Variants in POP1 observed in about 807,000 individuals in gnomAD.
POP1 encodes ribonucleases P/MRP protein subunit POP1.
In POP1, 75 loss-of-function variants were observed where a neutral mutation model predicts 102.2. The ratio of observed to expected loss-of-function variants is 0.73; its 90% CI spans 0.61 to 0.89. POP1 has a LOEUF of 0.89. POP1 is among the 40% of genes least tolerant of loss of function. POP1 has a pLI of 0.00. For synonymous variants in POP1, 436 were observed against 464.1 expected (o/e 0.94, Z 0.78); for missense variants, 1,116 against 1,267.4 (o/e 0.88, Z 1.81).
rs1406704778 is a variant in POP1 at position 98,157,789 on chromosome 8, A to AG, written c.2594dup (p.Ser865ArgfsTer24). 2.5e-6 allele frequency: 4 copies of AG among 1,614,100 alleles called. No homozygotes were observed. Among genetic ancestry groups the AG allele is most frequent in the Non-Finnish European group, 3.4e-6 (4 of 1,180,042 alleles). ...GGTTTGGGTCAGCCTGTCCCTGCTC[A>AG]GCAAGGGCAGCCCCGAGCCTCACAC... On this transcript the variant is annotated frameshift_variant, in exon 16 of 16. Transcript: ENST00000401707. LOFTEE classifies it low-confidence loss of function (END_TRUNC).
At chr8:98,134,715 TG>T in intron 7 of POP1, 56 bp downstream of exon 7, 1 of 1,489,516 alleles carries the variant, frequency 6.7e-7, no homozygotes, top group African/African-American at 1.4e-5. Flanking sequence ...TAATTACTGC[TG>T]GAAGTCAATA....
intron 11 of POP1, among the ~76,000 whole-genome samples, chr8:98,143,604 T>C (rs1479801984): frequency 1.3e-5 from 2 of 152,196 alleles, no homozygotes; most frequent in Non-Finnish European, 2.9e-5. Context: ...CTCTTGGTGG[T>C]ATATATACTC....
chr8:98,156,179 A>T lies in POP1; in HGVS notation c.2187A>T (p.Ser729=), dbSNP rs760035351. ...VQAYEEPSVA[S]SPNGKESDLR... ...CTTACGAAGAACCTTCTGTAGCTTC[A>T]TCTCCAAATGGTAAGGAGAGTGACC... Residue 729 remains serine, a synonymous_variant, in exon 15 of 16, where the codon TCA becomes TCT. Transcript: ENST00000401707. The T allele has an allele frequency of 6.2e-7, 1 of 1,614,084 alleles. No homozygotes were observed. Among genetic ancestry groups the T allele is most frequent in the Non-Finnish European group, 8.5e-7 (1 of 1,180,022 alleles).
At chr8:98,121,272 T>A (rs182574237) in intron 1 of POP1, among the ~76,000 whole-genome samples, 65 of 152,316 alleles carry the variant, frequency 4.3e-4, no homozygotes, top group African/African-American at 1.5e-3. Context: ...TTGTGTGAGG[T>A]CTTGCATTGG....
intron 12 of POP1, 141 bp from the exon 13 acceptor site, chr8:98,148,674 C>A: frequency 1.3e-6 from 1 of 774,974 alleles, no homozygotes; most frequent in South Asian, 1.6e-5. Flanking sequence ...CTTAAAATGG[C>A]TCACATTTAT....
intron 9 of POP1, among the ~76,000 whole-genome samples, chr8:98,138,316 C>T (rs1393368086): frequency 2.7e-5 from 2 of 74,018 alleles, no homozygotes; most frequent in African/African-American, 6.9e-5. Context: ...CTCATTTCTC[C>T]TCACCCTTCT....
At chr8:98,146,131 A>G (rs1472878197) in intron 11 of POP1, among the ~76,000 whole-genome samples, 1 of 152,038 alleles carries the variant, frequency 6.6e-6, no homozygotes, top group Admixed American at 6.6e-5. Flanking sequence ...GGGTCTTGCT[A>G]TGTTGCCCAG....
In POP1 at chr8:98,157,441, G is replaced by C. The variant is rs142696353; in HGVS notation, c.2421-176G>C. 3.4e-3 allele frequency among the ~76,000 whole-genome samples: 510 copies of C among 152,132 alleles called. 5 individuals carry two copies. The highest frequency in any genetic ancestry group is 0.012 in the African/African-American group (490 of 41,510). The stretch of plus-strand genomic sequence containing the variant: ...TTTCAGAATGGCAAACACATAAAAA[G>C]AAAAATATAAGTACTAAAATGTACT... On this transcript the variant is annotated intron_variant, in intron 15 of 15. Transcript: ENST00000401707.
Position 98,158,156 on chromosome 8 carries a change from T to G in POP1, c.2960T>G (p.Leu987Trp). The change falls in exon 16 of 16, where the codon TTG becomes TGG. Residue 987 changes from leucine (L) to tryptophan (W), a missense_variant. By Grantham distance (61) the Leu-to-Trp change is moderately conservative (BLOSUM62 -2). Transcript: ENST00000401707. ...GGAGAAGCCCTGGGGTTTGTTAGCT[T>G]GACAGGCTTGCTGGATATGCTGTCC... The part of the protein sequence containing the change: ...GCGEALGFVS[L>W]TGLLDMLSSQ... The G allele has an allele frequency of 1.9e-6, 3 of 1,609,406 alleles. No individual in the cohort carries two copies. The highest frequency in any genetic ancestry group is 2.5e-6 in the Non-Finnish European group (3 of 1,178,238).
intron 2 of POP1, 125 bp from the exon 3 acceptor site, chr8:98,127,470 G>A: frequency 8.6e-7 from 1 of 1,166,588 alleles, no homozygotes; most frequent in Non-Finnish European, 1.3e-6. Flanking sequence ...AGTAGTAATA[G>A]CCACCTTACA....
chr8:98,149,115 T>A lies in POP1; in HGVS notation c.1902+109T>A, dbSNP rs1809446608. On this transcript the variant is annotated intron_variant, in intron 13 of 15. Coordinates refer to ENST00000401707, the MANE Select transcript of POP1 (RefSeq NM_001145860.2). ...TATGTACAACTTAGGAGGAATTGAG[T>A]GGTGTATTTCTGCCCTTAGAGCTAT... is the stretch of plus-strand genomic sequence containing the variant. 4 of 1,096,820 alleles carry A rather than the reference T, an allele frequency of 3.6e-6. No individual in the cohort carries two copies. In the East Asian group the frequency reaches 1.0e-4, roughly 28 times the overall value. The allele number at this position is 1,096,820 out of a possible 1,614,324, so 67.9% of individuals were successfully genotyped here. A position where few individuals can be genotyped will look rare whatever the true frequency, so the allele number is the denominator to read the frequency against.
intron 6 of POP1, 37 bp downstream of exon 6, chr8:98,134,073 A>G (rs779833960): frequency 4.9e-6 from 7 of 1,426,540 alleles, no homozygotes; most frequent in South Asian, 3.4e-5. Context: ...ATTTTAGTCT[A>G]TGTATATTTA....
intron 14 of POP1, among the ~76,000 whole-genome samples, chr8:98,152,897 C>T (rs1809554285): frequency 6.6e-6 from 1 of 152,214 alleles, no homozygotes; most frequent in Non-Finnish European, 1.5e-5. Flanking sequence ...TACTGTGTGT[C>T]AAACACCATT....
intron 2 of POP1, among the ~76,000 whole-genome samples, chr8:98,125,686 A>C (rs1341796473): frequency 2.0e-5 from 3 of 152,054 alleles, no homozygotes. Flanking sequence ...GACTACAGTC[A>C]CATGCTGCCA....
chr8:98,128,172 A>G (rs185235181), intron 3 of POP1, among the ~76,000 whole-genome samples, 193 bp from the exon 4 acceptor site: 4 of 152,016 alleles, frequency 2.6e-5, no homozygotes, highest in East Asian at 3.9e-4. Flanking sequence ...TCTTCACCCT[A>G]TGATCCCCAT....
At chr8:98,152,061 A>G (rs1809529098) in intron 14 of POP1, among the ~76,000 whole-genome samples, 1 of 152,016 alleles carries the variant, frequency 6.6e-6, no homozygotes, top group Admixed American at 6.6e-5. Context: ...CTATTTGCTG[A>G]GTGGTGGATG....
chr8:98,125,547 G>A (rs965639895), intron 2 of POP1, among the ~76,000 whole-genome samples: 1 of 150,666 alleles, frequency 6.6e-6, no homozygotes, highest in Non-Finnish European at 1.5e-5. Flanking sequence ...TGGAAATGTT[G>A]CCTTTTTTTT....
At chr8:98,118,686 A>G (rs1459664291) in intron 1 of POP1, among the ~76,000 whole-genome samples, 1 of 152,128 alleles carries the variant, frequency 6.6e-6, no homozygotes, top group Non-Finnish European at 1.5e-5. Flanking sequence ...TCAGCCTCCC[A>G]AAGTGCAGGG....
intron 11 of POP1, among the ~76,000 whole-genome samples, chr8:98,144,123 T>C (rs1273699555): frequency 6.6e-6 from 1 of 151,596 alleles, no homozygotes; most frequent in African/African-American, 2.4e-5. Flanking sequence ...ACCACCACAC[T>C]CCAGTCTGGG....
Sources: gnomAD v4.1 joint callset for allele counts (sites outside exome capture counted in the v4.1 genomes callset) on GRCh38, gnomAD v4.1.1 for gene constraint, MANE v1.5 for transcripts, NCBI Gene and HGNC (gene_info 2026-07-23, HGNC 2026-07-21) for gene names.